UBTD1: variants seen among roughly 807,000 people sequenced by gnomAD.
The protein encoded by UBTD1 is ubiquitin domain containing 1.
Under a neutral mutation model 21.7 loss-of-function variants are expected in UBTD1, and 19 were observed. That is an observed-to-expected ratio of 0.87 (90% CI 0.61 to 1.28). The LOEUF is 1.28. Among genes scored for constraint, UBTD1 ranks in the 50% most tolerant of loss-of-function variants. UBTD1 has a pLI of 0.00. For synonymous variants in UBTD1, 116 were observed against 135.1 expected, an observed-to-expected ratio of 0.86 and a Z score of 0.98; for missense variants, 282 against 315.1, an observed-to-expected ratio of 0.89 and a Z score of 0.80.
At chr10:97,526,143 G>A (rs1006041215) in intron 1 of UBTD1, among the ~76,000 whole-genome samples, 2 of 152,192 alleles carry the variant, frequency 1.3e-5, no homozygotes, top group African/African-American at 4.8e-5. Flanking sequence ...TGTGTTTGGG[G>A]CGAAGCAGAG....
At chr10:97,532,971 A>T (rs566634198) in intron 1 of UBTD1, among the ~76,000 whole-genome samples, 5 of 152,278 alleles carry the variant, frequency 3.3e-5, no homozygotes, top group African/African-American at 1.2e-4. Context: ...TGCCTGGCCC[A>T]TGGTCAGGGT....
intron 1 of UBTD1, among the ~76,000 whole-genome samples, chr10:97,550,802 C>A (rs1371660075): frequency 1.3e-5 from 2 of 152,142 alleles, no homozygotes; most frequent in African/African-American, 4.8e-5. Flanking sequence ...TGGAGAGGAC[C>A]TTAAATGCTC....
intron 1 of UBTD1, among the ~76,000 whole-genome samples, chr10:97,550,460 G>T (rs1443877299): frequency 6.6e-6 from 1 of 151,946 alleles, no homozygotes; most frequent in Non-Finnish European, 1.5e-5. Context: ...TTGAAGGAGG[G>T]GCCAGCCCGC....
intron 1 of UBTD1, among the ~76,000 whole-genome samples, chr10:97,564,969 T>C (rs2040710637): frequency 6.6e-6 from 1 of 152,230 alleles, no homozygotes; most frequent in Admixed American, 6.5e-5. Context: ...AATCCACCTA[T>C]GACCTTTAAG....
chr10:97,552,199 T>TAAA (rs561576918), intron 1 of UBTD1, among the ~76,000 whole-genome samples: 1 of 142,082 alleles, frequency 7.0e-6, no homozygotes. Flanking sequence ...ACCCCATCTC[T>TAAA]AAAAAAAAAA....
intron 1 of UBTD1, among the ~76,000 whole-genome samples, chr10:97,567,274 T>C (rs1190499158): frequency 2.0e-5 from 3 of 151,332 alleles, no homozygotes; most frequent in East Asian, 2.0e-4. Context: ...GGTTTTACCA[T>C]GTTGCCCTGG....
At chr10:97,554,743 G>A (rs2040656153) in intron 1 of UBTD1, among the ~76,000 whole-genome samples, 1 of 152,038 alleles carries the variant, frequency 6.6e-6, no homozygotes, top group Non-Finnish European at 1.5e-5. Context: ...GTAGAGACGA[G>A]TGGTCTTGCT....
chr10:97,556,310 CTA>C (rs1461478274), intron 1 of UBTD1, among the ~76,000 whole-genome samples: 1 of 141,474 alleles, frequency 7.1e-6, no homozygotes, highest in African/African-American at 2.6e-5. Flanking sequence ...CTGTGATCAT[CTA>C]TGTGTAGACA....
chr10:97,520,809 T>G (rs1218149910), intron 1 of UBTD1, among the ~76,000 whole-genome samples: 1 of 152,080 alleles, frequency 6.6e-6, no homozygotes, highest in Non-Finnish European at 1.5e-5. Flanking sequence ...TTCTGCCCTG[T>G]TGGGGTAAGG....
At chr10:97,535,318 TA>T (rs965603568) in intron 1 of UBTD1, among the ~76,000 whole-genome samples, 3 of 151,474 alleles carry the variant, frequency 2.0e-5, no homozygotes, top group East Asian at 1.9e-4. Flanking sequence ...GCATTTCCAT[TA>T]AAAAAAAATT....
intron 2 of UBTD1, among the ~76,000 whole-genome samples, chr10:97,568,913 G>A (rs914984367): frequency 4.0e-5 from 6 of 151,612 alleles, no homozygotes; most frequent in Admixed American, 1.3e-4. Flanking sequence ...AACCTGCGCC[G>A]CCTGGGTTCA....
chr10:97,559,086 C>T (rs374017600), intron 1 of UBTD1, among the ~76,000 whole-genome samples: 123 of 152,324 alleles, frequency 8.1e-4, no homozygotes, highest in African/African-American at 2.6e-3. Context: ...CAGGTCTCCA[C>T]GGAATGCTAA....
intron 1 of UBTD1, among the ~76,000 whole-genome samples, chr10:97,504,190 G>A (rs1240759898): frequency 6.6e-6 from 1 of 151,950 alleles, no homozygotes; most frequent in Admixed American, 6.6e-5. Flanking sequence ...TTTCACCCTG[G>A]TCTGAGCTAC....
chr10:97,512,763 T>G (rs1011592877), intron 1 of UBTD1, among the ~76,000 whole-genome samples: 4 of 152,230 alleles, frequency 2.6e-5, no homozygotes, highest in African/African-American at 7.2e-5. Flanking sequence ...TCTGCAGCCC[T>G]GGACAGAAGT....
intron 1 of UBTD1, among the ~76,000 whole-genome samples, chr10:97,554,333 C>T (rs1260960255): frequency 4.7e-5 from 7 of 149,776 alleles, no homozygotes; most frequent in Non-Finnish European, 8.9e-5. Context: ...CTGCTACCTC[C>T]GTCTCTGGGG....
chr10:97,510,465 T>A (rs541163533), intron 1 of UBTD1, among the ~76,000 whole-genome samples: 2 of 152,342 alleles, frequency 1.3e-5, no homozygotes, highest in Non-Finnish European at 2.9e-5. Flanking sequence ...AGTTTTCTTA[T>A]CTGTGAAATG....
intron 1 of UBTD1, among the ~76,000 whole-genome samples, chr10:97,523,516 G>C (rs113724648): frequency 0.022 from 3,380 of 152,132 alleles, 133 homozygotes; most frequent in African/African-American, 0.077. Flanking sequence ...AACTCCTCCT[G>C]GTCTTTGCAG....
intron 1 of UBTD1, among the ~76,000 whole-genome samples, chr10:97,562,129 C>T (rs1266302956): frequency 2.0e-5 from 3 of 152,102 alleles, no homozygotes; most frequent in South Asian, 4.1e-4. Context: ...ACGGTCCAGG[C>T]GTGGTGGCTC....
At chr10:97,534,091 G>A (rs775694839) in intron 1 of UBTD1, among the ~76,000 whole-genome samples, 3 of 152,102 alleles carry the variant, frequency 2.0e-5, no homozygotes, top group Non-Finnish European at 2.9e-5. Flanking sequence ...AGCTTCTGCC[G>A]CCTTCCCCTA....
Sources: allele counts gnomAD v4.1 joint callset (sites outside exome capture counted in the v4.1 genomes callset), GRCh38; gene constraint gnomAD v4.1.1; transcripts MANE v1.5; gene names NCBI Gene and HGNC (gene_info 2026-07-23, HGNC 2026-07-21).